SEMA5A: variants seen among roughly 807,000 people sequenced by gnomAD.
The protein encoded by SEMA5A is semaphorin 5A.
Under a neutral mutation model 135.5 loss-of-function variants are expected in SEMA5A, and 55 were observed. That is an observed-to-expected ratio of 0.41 (90% CI 0.33 to 0.51). The LOEUF (loss-of-function observed/expected upper bound fraction) is 0.51, where lower values mean the gene tolerates loss of function less well. Among genes scored for constraint, SEMA5A ranks in the 20% least tolerant of loss-of-function variants. The pLI, the probability that SEMA5A is intolerant of heterozygous loss-of-function variation, is 0.37. For missense variants in SEMA5A, 1,290 were observed against 1,419.9 expected (o/e 0.91, Z 1.47); for synonymous variants, 580 against 546.5 (o/e 1.06, Z -0.85).
chr5:9,161,113 T>C (rs1408002252), intron 11 of SEMA5A, among the ~76,000 whole-genome samples: 1 of 139,788 alleles, frequency 7.2e-6, no homozygotes, highest in Non-Finnish European at 1.6e-5. Flanking sequence ...GAAAGAGAAA[T>C]GTGTTTTTTA....
At chr5:9,396,623 T>C (rs1482986382) in intron 2 of SEMA5A, among the ~76,000 whole-genome samples, 1 of 152,030 alleles carries the variant, frequency 6.6e-6, no homozygotes, top group East Asian at 1.9e-4. Flanking sequence ...ACCACAGCAG[T>C]AGGGAACACC....
intron 10 of SEMA5A, among the ~76,000 whole-genome samples, chr5:9,191,881 A>C (rs2526117): frequency 6.3e-5 from 6 of 95,278 alleles, no homozygotes; most frequent in Admixed American, 2.7e-4. Context: ...CCATGACCCA[A>C]GTGTGAGTTT....
intron 12 of SEMA5A, among the ~76,000 whole-genome samples, chr5:9,152,209 C>G (rs994038556): frequency 6.6e-6 from 1 of 152,210 alleles, no homozygotes; most frequent in African/African-American, 2.4e-5. Flanking sequence ...AGGCCTGCGG[C>G]TTCCTGTGGG....
chr5:9,074,164 C>T (rs1158093515), intron 16 of SEMA5A, among the ~76,000 whole-genome samples: 1 of 152,110 alleles, frequency 6.6e-6, no homozygotes, highest in Non-Finnish European at 1.5e-5. Flanking sequence ...AGCAAAAGAA[C>T]AGAATGGAAA....
At chr5:9,249,362 C>T (rs1415544537) in intron 5 of SEMA5A, among the ~76,000 whole-genome samples, 5 of 152,108 alleles carry the variant, frequency 3.3e-5, no homozygotes, top group African/African-American at 7.2e-5. Flanking sequence ...AACCTTACTC[C>T]GGCTAACCAT....
At chr5:9,296,276 C>T (rs2150597287) in intron 5 of SEMA5A, among the ~76,000 whole-genome samples, 1 of 152,204 alleles carries the variant, frequency 6.6e-6, no homozygotes. Flanking sequence ...ACAGGCTTAT[C>T]ATATCTTTGA....
chr5:9,102,360 A>G (rs1170302602), intron 16 of SEMA5A, among the ~76,000 whole-genome samples: 1 of 152,184 alleles, frequency 6.6e-6, no homozygotes, highest in Non-Finnish European at 1.5e-5. Flanking sequence ...TTTGAAGTCT[A>G]GGAAGACAGG....
At position 9,432,323 on chromosome 5, in the gene SEMA5A, A is replaced by T. The variant is rs1282336176; in HGVS notation, c.-78+5433T>A. Among the ~76,000 whole-genome samples the T allele has an allele frequency of 3.9e-5, 6 of 152,342 alleles. 1 individual carries two copies. The East Asian group carries it at 9.6e-4, about 24-fold the overall frequency. ...CCTTTATCCCAAATTACAACCACTCAGCATGTTTAAGCAAGTGTGTACCTT... is the reference window on the plus strand; with the variant it reads ...CCTTTATCCCAAATTACAACCACTCTGCATGTTTAAGCAAGTGTGTACCTT... On this transcript the variant is annotated intron_variant, in intron 2 of 22. Transcript: ENST00000382496.
intron 5 of SEMA5A, among the ~76,000 whole-genome samples, chr5:9,294,376 G>T (rs1458344467): frequency 6.6e-6 from 1 of 152,148 alleles, no homozygotes; most frequent in Non-Finnish European, 1.5e-5. Context: ...CAAAAATGGG[G>T]CAGGGGACCC....
chr5:9,083,728 T>A (rs778129610), intron 16 of SEMA5A, among the ~76,000 whole-genome samples: 1 of 152,098 alleles, frequency 6.6e-6, no homozygotes, highest in South Asian at 2.1e-4. Context: ...AATAAACCCA[T>A]GAAGTTTAAG....
At chr5:9,238,968 T>C (rs1366786212) in intron 5 of SEMA5A, among the ~76,000 whole-genome samples, 1 of 152,142 alleles carries the variant, frequency 6.6e-6, no homozygotes, top group Non-Finnish European at 1.5e-5. Context: ...AGGAAAATAA[T>C]GGCTTCACCC....
chr5:9,446,384 G>A (rs1758434593), intron 1 of SEMA5A, among the ~76,000 whole-genome samples: 2 of 152,132 alleles, frequency 1.3e-5, no homozygotes, highest in Admixed American at 1.3e-4. Flanking sequence ...AACTAAGCAA[G>A]TGCTCAAAAT....
intron 12 of SEMA5A, among the ~76,000 whole-genome samples, chr5:9,146,602 C>A (rs555166011): frequency 6.6e-6 from 1 of 152,090 alleles, no homozygotes; most frequent in Non-Finnish European, 1.5e-5. Context: ...AAAGATAAAT[C>A]GATTTTGGAA....
At chr5:9,284,402 C>A (rs1300591799) in intron 5 of SEMA5A, among the ~76,000 whole-genome samples, 2 of 152,198 alleles carry the variant, frequency 1.3e-5, no homozygotes, top group Non-Finnish European at 2.9e-5. Flanking sequence ...TAAACTCAAA[C>A]TCAGATTTGC....
At chr5:9,313,306 A>G (rs1022133364) in intron 5 of SEMA5A, among the ~76,000 whole-genome samples, 9 of 152,142 alleles carry the variant, frequency 5.9e-5, no homozygotes, top group Admixed American at 2.6e-4. Flanking sequence ...TGTCTCATCC[A>G]CGAATTGTCC....
intron 16 of SEMA5A, among the ~76,000 whole-genome samples, chr5:9,077,210 A>C (rs1302022906): frequency 1.3e-5 from 2 of 152,096 alleles, no homozygotes; most frequent in Non-Finnish European, 2.9e-5. Context: ...TAACACCAAA[A>C]TGCCTTTGCA....
At chr5:9,327,893 C>T (rs1209122890) in intron 4 of SEMA5A, among the ~76,000 whole-genome samples, 1 of 151,992 alleles carries the variant, frequency 6.6e-6, no homozygotes, top group Non-Finnish European at 1.5e-5. Flanking sequence ...TTTCAGTTAA[C>T]AGAGATAATT....
At chr5:9,283,586 T>C (rs1750648581) in intron 5 of SEMA5A, among the ~76,000 whole-genome samples, 1 of 152,190 alleles carries the variant, frequency 6.6e-6, no homozygotes, top group African/African-American at 2.4e-5. Flanking sequence ...ACTCTTACCA[T>C]ATAAGGTAAA....
At chr5:9,409,166 T>G (rs529653048) in intron 2 of SEMA5A, among the ~76,000 whole-genome samples, 8 of 152,322 alleles carry the variant, frequency 5.3e-5, no homozygotes, top group African/African-American at 1.9e-4. Flanking sequence ...AATCATTAAA[T>G]AGATTTTCTA....
Sources: allele counts gnomAD v4.1 joint callset (sites outside exome capture counted in the v4.1 genomes callset), GRCh38; gene constraint gnomAD v4.1.1; transcripts MANE v1.5; gene names NCBI Gene and HGNC (gene_info 2026-07-23, HGNC 2026-07-21).